Variants in DTNB observed in about 807,000 individuals in gnomAD.
DTNB encodes dystrobrevin beta, also known as DTN-B.
A neutral mutation model predicts 90.7 loss-of-function variants in DTNB; 63 were observed. That is an observed-to-expected ratio of 0.69 (90% CI 0.57 to 0.86). The LOEUF (loss-of-function observed/expected upper bound fraction) is 0.86, where lower values mean the gene tolerates loss of function less well. DTNB is among the 40% of genes least tolerant of loss of function. The pLI is 0.00. For synonymous variants in DTNB, 277 were observed against 286.7 expected (o/e 0.97, Z 0.34); for missense variants, 744 against 807.1 (o/e 0.92, Z 0.95).
At chr2:25,538,413 C>CAT (rs553962185) in intron 8 of DTNB, among the ~76,000 whole-genome samples, 79 of 152,124 alleles carry the variant, frequency 5.2e-4, no homozygotes, top group African/African-American at 1.9e-3. Flanking sequence ...TCTAAATCTA[C>CAT]ATATATATAC....
intron 16 of DTNB, among the ~76,000 whole-genome samples, chr2:25,402,294 A>C (rs2043936272): frequency 6.6e-6 from 1 of 152,150 alleles, no homozygotes. Flanking sequence ...CTGGCAATGG[A>C]AGTGCTCAGA....
At chr2:25,562,400 A>G (rs1198655300) in intron 8 of DTNB, among the ~76,000 whole-genome samples, 1 of 152,174 alleles carries the variant, frequency 6.6e-6, no homozygotes, top group East Asian at 1.9e-4. Context: ...TTCACATACA[A>G]GTTTTTGTGG....
intron 4 of DTNB, among the ~76,000 whole-genome samples, chr2:25,624,312 T>C (rs747559923): frequency 2.0e-5 from 3 of 152,180 alleles, no homozygotes; most frequent in Non-Finnish European, 4.4e-5. Flanking sequence ...TGGGCACACA[T>C]TGTCAGGACC....
rs561676657 is a variant in DTNB, at chr2:25,534,895, C to T, written c.877-3298G>A. On this transcript the variant is annotated intron_variant, in intron 8 of 20. Transcript: ENST00000406818. Reference sequence around the variant, plus strand: ...GGCGCTCCTCACTTCCCAGACGGGGCGGCCGGGCAGAGGCACTCCCCACCT... The same window carrying T: ...GGCGCTCCTCACTTCCCAGACGGGGTGGCCGGGCAGAGGCACTCCCCACCT... Among the ~76,000 whole-genome samples the T allele has an allele frequency of 4.1e-3, 580 of 141,866 alleles. 5 individuals carry two copies. Among genetic ancestry groups the T allele is most frequent in the African/African-American group, 0.014 (526 of 37,816 alleles). The allele number at this position is 141,866 out of a possible 152,430, so 93.1% of individuals were successfully genotyped here. A position where few individuals can be genotyped will look rare whatever the true frequency, so the allele number is the denominator to read the frequency against.
chr2:25,387,411 G>C lies in DTNB; in HGVS notation c.1736-33C>G. On this transcript the variant is annotated intron_variant, in intron 17 of 20. Coordinates refer to ENST00000406818, the MANE Select transcript of DTNB (RefSeq NM_021907.5). The surrounding 1 kb of genome is among the most constrained non-coding windows in gnomAD (Gnocchi z 4.5). ...GAGGCAGAGCAGATGGGGATGCCAG[G>C]GTGGGTGAGCGTGGAGAAGAGACGG... is the stretch of plus-strand genomic sequence containing the variant. 1 of 1,600,086 alleles carries C rather than the reference G, an allele frequency of 6.2e-7. No individual in the cohort carries two copies.
At chr2:25,551,190 CA>C (rs1333096690) in intron 8 of DTNB, among the ~76,000 whole-genome samples, 3 of 152,138 alleles carry the variant, frequency 2.0e-5, no homozygotes, top group African/African-American at 7.2e-5. Flanking sequence ...TTTACTTTAA[CA>C]ACTATATTTT....
At chr2:25,607,097 T>G in intron 5 of DTNB, 139 bp downstream of exon 5, 1 of 848,658 alleles carries the variant, frequency 1.2e-6, no homozygotes, top group Admixed American at 2.7e-5. Flanking sequence ...ACTCACCTAC[T>G]GTGAGCCAGC....
intron 10 of DTNB, among the ~76,000 whole-genome samples, chr2:25,478,538 T>C (rs1229789265): frequency 6.6e-6 from 1 of 152,132 alleles, no homozygotes; most frequent in Non-Finnish European, 1.5e-5. Context: ...CTTCTTTTTT[T>C]TTTAGAGACA....
chr2:25,451,672 A>T, intron 11 of DTNB, 37 bp from the exon 12 acceptor site: 1 of 1,521,498 alleles, frequency 6.6e-7, no homozygotes, highest in Non-Finnish European at 8.9e-7. Flanking sequence ...GTGTCTATTA[A>T]ACATCCCTTA....
intron 6 of DTNB, among the ~76,000 whole-genome samples, chr2:25,589,149 ATTG>A (rs2063011966): frequency 6.6e-6 from 1 of 152,134 alleles, no homozygotes; most frequent in Non-Finnish European, 1.5e-5. Context: ...GGCATGAAAT[ATTG>A]TTGTTATTCT....
intron 12 of DTNB, among the ~76,000 whole-genome samples, chr2:25,442,452 G>C (rs987810957): frequency 2.0e-5 from 3 of 152,166 alleles, no homozygotes; most frequent in Non-Finnish European, 4.4e-5. Flanking sequence ...ATTGATGTCT[G>C]GAACTGGGCT....
At chr2:25,656,674 G>A (rs2082126356) in intron 1 of DTNB, among the ~76,000 whole-genome samples, 1 of 152,074 alleles carries the variant, frequency 6.6e-6, no homozygotes, top group Admixed American at 6.5e-5. Flanking sequence ...TGTGATCTCA[G>A]AACTCTCCAC....
chr2:25,619,098 G>A (rs1015086180), intron 4 of DTNB, among the ~76,000 whole-genome samples: 3 of 151,978 alleles, frequency 2.0e-5, no homozygotes, highest in Admixed American at 6.6e-5. Flanking sequence ...TCTGGATGAC[G>A]TTTCTAGCTT....
chr2:25,484,318 G>C (rs543193339), intron 9 of DTNB, among the ~76,000 whole-genome samples: 3 of 152,182 alleles, frequency 2.0e-5, no homozygotes, highest in Non-Finnish European at 4.4e-5. Flanking sequence ...TTAGGTGCTT[G>C]GGAACTAACT....
intron 2 of DTNB, among the ~76,000 whole-genome samples, chr2:25,642,995 G>A (rs2078671315): frequency 2.0e-5 from 3 of 151,904 alleles, no homozygotes; most frequent in Non-Finnish European, 2.9e-5. Context: ...TCAAGCAATC[G>A]TGCCCACCTC....
At position 25,553,741 on chromosome 2, in the gene DTNB, C is replaced by CAA. The variant is rs1184090329; in HGVS notation, c.877-22146_877-22145dup. ...GACAACAAGAGCGAAAACTCCTTCT[C>CAA]AAAAAAAAAAAAAAAAAAAAAGGCT... On this transcript the variant is annotated intron_variant, in intron 8 of 20. Coordinates refer to ENST00000406818, the MANE Select transcript of DTNB (RefSeq NM_021907.5). 4.9e-3 allele frequency among the ~76,000 whole-genome samples: 192 copies of CAA among 38,900 alleles called. 2 individuals carry two copies. The highest frequency in any genetic ancestry group is 0.016 in the African/African-American group (169 of 10,542). The allele number at this position is 38,900 out of a possible 152,430, so 25.5% of individuals were successfully genotyped here.
rs1475960793 is a variant in DTNB, at chr2:25,424,172, T to G, written c.1554+3363A>C. Among the ~76,000 whole-genome samples the G allele has an allele frequency of 2.0e-5, 3 of 152,184 alleles. No individual in the cohort carries two copies. The highest frequency in any genetic ancestry group is 4.4e-5 in the Non-Finnish European group (3 of 68,028). The stretch of plus-strand genomic sequence containing the variant: ...TCGACTGTGAATTCTAGCCAATGGA[T>G]AGAAAGGCAACATTCCTAGATTTGT... On this transcript the variant is annotated intron_variant, in intron 15 of 20. Coordinates refer to ENST00000406818, the MANE Select transcript of DTNB (RefSeq NM_021907.5). The surrounding 1 kb of genome is among the most constrained non-coding windows in gnomAD (Gnocchi z 4.1).
intron 9 of DTNB, among the ~76,000 whole-genome samples, chr2:25,495,514 C>T (rs568587694): frequency 6.6e-6 from 1 of 152,280 alleles, no homozygotes; most frequent in East Asian, 1.9e-4. Context: ...TAAGGGATTA[C>T]ATTGATCTAT....
chr2:25,566,085 C>T (rs577771543), intron 8 of DTNB, among the ~76,000 whole-genome samples: 2 of 152,214 alleles, frequency 1.3e-5, no homozygotes, highest in African/African-American at 2.4e-5. Context: ...ACATGAACCC[C>T]GTAAAAGCCA....
Sources: allele counts gnomAD v4.1 joint callset (sites outside exome capture counted in the v4.1 genomes callset), GRCh38; gene constraint gnomAD v4.1.1; non-coding constraint Gnocchi (gnomAD v3.1); transcripts MANE v1.5; gene names NCBI Gene and HGNC (gene_info 2026-07-23, HGNC 2026-07-21).